The following ITGB1 variants were observed in gnomAD, a reference collection of about 807,000 sequenced individuals.
ITGB1 encodes the protein integrin subunit beta 1, also known as integrin beta-1.
ITGB1 carries 24 observed loss-of-function variants against 86.5 expected under a neutral mutation model. The observed-to-expected ratio is 0.28, with a 90% CI of 0.20 to 0.39. The LOEUF is 0.39. Among genes scored for constraint, ITGB1 ranks in the 10% least tolerant of loss-of-function variants. The pLI is 1.00. For synonymous variants in ITGB1, 323 were observed against 316.8 expected (o/e 1.02, Z -0.21); for missense variants, 556 against 946.9 (o/e 0.59, Z 5.42).
chr10:32,934,381 C>T lies in ITGB1; in HGVS notation c.67+1111G>A, dbSNP rs117612201. Among the ~76,000 whole-genome samples, 1,163 of 152,182 alleles carry T rather than the reference C, an allele frequency of 7.6e-3. 7 individuals carry two copies. Among genetic ancestry groups the T allele is most frequent in the Middle Eastern group, 0.02 (6 of 294 alleles). On this transcript the variant is annotated intron_variant, in intron 2 of 15. Transcript: ENST00000302278. ...TAATCTAGAGAAGATTTAAAGTATA[C>T]AGGAGGATATGTGTAGGTTATATGC... is the stretch of plus-strand genomic sequence containing the variant.
intron 15 of ITGB1, among the ~76,000 whole-genome samples, chr10:32,903,372 AAG>A (rs2094887467): frequency 6.6e-6 from 1 of 151,018 alleles, no homozygotes; most frequent in African/African-American, 2.4e-5. Flanking sequence ...AAAAAAAAAA[AAG>A]AGGAAAAAAA....
At chr10:32,920,459 ACTGCTC>A in intron 9 of ITGB1, 74 bp from the exon 10 acceptor site, 4 of 1,322,568 alleles carry the variant, frequency 3.0e-6, no homozygotes, top group Admixed American at 4.1e-5. Flanking sequence ...CAATGGATAA[ACTGCTC>A]AGAAAAAAAT....
chr10:32,910,378 A>C lies in ITGB1; in HGVS notation c.2009T>G (p.Ile670Ser). The change falls in exon 14 of 16, where the codon ATT becomes AGT. Residue 670 changes from isoleucine to serine, a missense_variant. Ile to Ser is a moderately radical substitution (Grantham distance 142, BLOSUM62 -2). Coordinates refer to ENST00000302278, the MANE Select transcript of ITGB1 (RefSeq NM_002211.4). ...TCTQECSYFN[I>S]TKVESRDKLP... is the part of the protein sequence containing the mutation. Reference sequence around the variant, plus strand: ...TTTGTCCCGACTTTCTACCTTGGTAATGTTAAAATAGGAACATTCCTGTGT... The same window carrying C: ...TTTGTCCCGACTTTCTACCTTGGTACTGTTAAAATAGGAACATTCCTGTGT... 12 of 1,601,010 alleles carry C rather than the reference A, an allele frequency of 7.5e-6. No individual in the cohort carries two copies. The highest frequency in any genetic ancestry group is 1.0e-5 in the Non-Finnish European group (12 of 1,168,292).
chr10:32,956,204 T>C (rs2095051781), intron 1 of ITGB1, among the ~76,000 whole-genome samples: 1 of 152,208 alleles, frequency 6.6e-6, no homozygotes, highest in Non-Finnish European at 1.5e-5. Flanking sequence ...ATGAGAATTA[T>C]AGTGAGACTC....
rs1208934352 is a variant in ITGB1 at position 32,900,607 on chromosome 10, T to C, written c.*963A>G. The C allele has an allele frequency of 6.8e-6, 1 of 147,132 alleles. No individual in the cohort carries two copies. Among genetic ancestry groups the C allele is most frequent in the East Asian group, 2.0e-4 (1 of 5,082 alleles). 9.1% of individuals were successfully genotyped at this position (147,132 alleles called of 1,614,324 possible). On this transcript the variant is annotated 3_prime_UTR_variant, in exon 16 of 16. Transcript: ENST00000302278. Reference sequence around the variant, plus strand: ...GGTGAGAGCTGTTGCATAGCCACAGTATAACTTCACATGTTCATTAAAAAG... The same window carrying C: ...GGTGAGAGCTGTTGCATAGCCACAGCATAACTTCACATGTTCATTAAAAAG...
chr10:32,910,173 A>T, intron 14 of ITGB1, 50 bp downstream of exon 14: 2 of 1,383,474 alleles, frequency 1.4e-6, no homozygotes, highest in Non-Finnish European at 2.0e-6. Context: ...ATAAGCAGAA[A>T]CAAGACATAC....
intron 1 of ITGB1, among the ~76,000 whole-genome samples, chr10:32,957,106 A>C (rs935212286): frequency 6.6e-6 from 1 of 152,206 alleles, no homozygotes; most frequent in Non-Finnish European, 1.5e-5. Flanking sequence ...TAATACATGT[A>C]AAATGCCTAG....
chr10:32,911,645 C>A lies in ITGB1; in HGVS notation c.1734G>T (p.Val578=). 6.2e-7 allele frequency: 1 copy of A among 1,614,204 alleles called. No individual in the cohort carries two copies. Among genetic ancestry groups the A allele is most frequent in the Non-Finnish European group, 8.5e-7 (1 of 1,180,026 alleles). The change falls in exon 13 of 16, where the codon GTG becomes GTT. Residue 578 remains valine, a synonymous_variant. Transcript: ENST00000302278. Reference sequence around the variant, plus strand: ...CAGTGTAGTTGGGGTTGCACTCACACACACGACACTTGCAAACACCATTTC... The same window carrying A: ...CAGTGTAGTTGGGGTTGCACTCACAAACACGACACTTGCAAACACCATTTC... ...CGGNGVCKCR[V]CECNPNYTGS...
intron 1 of ITGB1, among the ~76,000 whole-genome samples, chr10:32,939,843 G>A (rs902681280): frequency 1.3e-5 from 2 of 152,076 alleles, no homozygotes; most frequent in African/African-American, 2.4e-5. Context: ...CAGTACTGTG[G>A]ACACAAATAC....
At position 32,919,866 on chromosome 10, in the gene ITGB1, C is replaced by G; in HGVS notation, c.1469+19G>C. The G allele has an allele frequency of 6.2e-7, 1 of 1,610,956 alleles. No individual in the cohort carries two copies. The highest frequency in any genetic ancestry group is 8.5e-7 in the Non-Finnish European group (1 of 1,177,192). ...TAAACCAATGTAGCTCTGTCACTGT[C>G]TGACAACACCCAGCTTACCTGCACG... On this transcript the variant is annotated intron_variant, in intron 11 of 15. Coordinates refer to ENST00000302278, the MANE Select transcript of ITGB1 (RefSeq NM_002211.4).
At chr10:32,916,285 AAC>A (rs1275820241) in intron 11 of ITGB1, among the ~76,000 whole-genome samples, 4 of 152,226 alleles carry the variant, frequency 2.6e-5, no homozygotes, top group Admixed American at 6.5e-5. Flanking sequence ...ACTCCTATTC[AAC>A]ACAGTGTTGG....
intron 1 of ITGB1, among the ~76,000 whole-genome samples, chr10:32,947,128 G>A (rs1399955269): frequency 6.6e-6 from 1 of 151,954 alleles, no homozygotes; most frequent in Non-Finnish European, 1.5e-5. Flanking sequence ...CAGTCATGAG[G>A]CACCATACCT....
chr10:32,940,398 A>G (rs1179975400), intron 1 of ITGB1, among the ~76,000 whole-genome samples: 1 of 152,160 alleles, frequency 6.6e-6, no homozygotes, highest in Non-Finnish European at 1.5e-5. Flanking sequence ...AAGCAGTAAC[A>G]TAGTTGTTTA....
intron 5 of ITGB1, among the ~76,000 whole-genome samples, chr10:32,927,270 A>G (rs1015198479): frequency 2.0e-5 from 3 of 152,158 alleles, no homozygotes; most frequent in African/African-American, 4.8e-5. Flanking sequence ...TAACTGTCAA[A>G]TCTTTCTAAT....
intron 11 of ITGB1, 90 bp downstream of exon 11, chr10:32,919,795 A>T: frequency 9.0e-7 from 1 of 1,107,492 alleles, no homozygotes. Context: ...CTCCAAATAG[A>T]GAGATATTCT....
At chr10:32,911,722 A>T (rs760856049) in intron 12 of ITGB1, 52 bp from the exon 13 acceptor site, 2 of 1,579,864 alleles carry the variant, frequency 1.3e-6, no homozygotes, top group South Asian at 2.2e-5. Context: ...CAATCACAGT[A>T]TTGACTGAAA....
At chr10:32,930,975 G>T (rs1025914594) in intron 3 of ITGB1, among the ~76,000 whole-genome samples, 2 of 152,050 alleles carry the variant, frequency 1.3e-5, no homozygotes, top group African/African-American at 4.8e-5. Context: ...ATTATATATG[G>T]TATTTATTTA....
intron 11 of ITGB1, among the ~76,000 whole-genome samples, chr10:32,916,692 G>A (rs2094932681): frequency 6.6e-6 from 1 of 152,064 alleles, no homozygotes; most frequent in Non-Finnish European, 1.5e-5. Context: ...AAATAAAAGA[G>A]GACTCAAACA....
chr10:32,920,720 C>A (rs1241276624), intron 9 of ITGB1, among the ~76,000 whole-genome samples: 1 of 152,026 alleles, frequency 6.6e-6, no homozygotes, highest in South Asian at 2.1e-4. Context: ...CACCTGTAAT[C>A]CCAGCACTTT....
Sources: allele counts gnomAD v4.1 joint callset (sites outside exome capture counted in the v4.1 genomes callset), GRCh38; gene constraint gnomAD v4.1.1; transcripts MANE v1.5; gene names NCBI Gene and HGNC (gene_info 2026-07-23, HGNC 2026-07-21).